The following WBP1L variants were observed in gnomAD, a reference collection of about 807,000 sequenced individuals.
WBP1L encodes WW domain binding protein 1-like.
In WBP1L, 17 loss-of-function variants were observed where a neutral mutation model predicts 33.7. The ratio of observed to expected loss-of-function variants is 0.50; its 90% CI spans 0.34 to 0.76. WBP1L has a LOEUF of 0.76. Among genes scored for constraint, WBP1L ranks in the 30% least tolerant of loss-of-function variants. The probability of loss-of-function intolerance (pLI) is 0.01; values close to 1 mark genes in which losing one functional copy is unlikely to be tolerated. For synonymous variants in WBP1L, 173 were observed against 190.8 expected (o/e 0.91, Z 0.77); for missense variants, 389 against 469.4 (o/e 0.83, Z 1.58).
At position 102,803,380 on chromosome 10, in the gene WBP1L, T is replaced by C. The variant is rs527988434; in HGVS notation, c.193+5285T>C. ...TTTTCCCAAGTTTGTAGTGAACTCT[T>C]GGGGTTTGTAGTGTAGTCATGGGGC... On this transcript the variant is annotated intron_variant, in intron 2 of 3. Transcript: ENST00000448841. Among the ~76,000 whole-genome samples, 4 of 152,278 alleles carry C rather than the reference T, an allele frequency of 2.6e-5. No individual in the cohort carries two copies. In the South Asian group the frequency reaches 8.3e-4, roughly 32 times the overall value.
intron 1 of WBP1L, among the ~76,000 whole-genome samples, chr10:102,756,104 C>A (rs924488906): frequency 2.0e-5 from 3 of 149,940 alleles, no homozygotes; most frequent in Non-Finnish European, 4.4e-5. Flanking sequence ...GGGTAGGGTT[C>A]TTTATTTGTT....
chr10:102,790,428 T>C (rs1843479248), intron 1 of WBP1L, among the ~76,000 whole-genome samples: 1 of 152,226 alleles, frequency 6.6e-6, no homozygotes, highest in East Asian at 1.9e-4. Flanking sequence ...CTGCTATTTG[T>C]TGAATTTGTC....
At chr10:102,781,310 A>T (rs561897232) in intron 1 of WBP1L, among the ~76,000 whole-genome samples, 89 of 152,300 alleles carry the variant, frequency 5.8e-4, no homozygotes, top group African/African-American at 1.8e-3. Flanking sequence ...TAACCCCTCA[A>T]CTGCTGAATG....
chr10:102,810,819 G>A (rs573542971), intron 3 of WBP1L, among the ~76,000 whole-genome samples: 7 of 151,130 alleles, frequency 4.6e-5, no homozygotes, highest in Admixed American at 3.3e-4. Context: ...TGCTCGTCTC[G>A]GCCTCCCAAA....
intron 1 of WBP1L, among the ~76,000 whole-genome samples, chr10:102,781,236 C>A (rs953460693): frequency 2.0e-5 from 3 of 152,140 alleles, no homozygotes; most frequent in Non-Finnish European, 4.4e-5. Flanking sequence ...TGATAGCCAG[C>A]TAAAGCTGCA....
intron 2 of WBP1L, among the ~76,000 whole-genome samples, chr10:102,806,044 T>C (rs1255200265): frequency 1.6e-5 from 2 of 122,156 alleles, no homozygotes; most frequent in Admixed American, 8.4e-5. Context: ...CTACTAAAAA[T>C]ACAAAAAAAA....
At chr10:102,793,370 A>G (rs901552958) in intron 1 of WBP1L, among the ~76,000 whole-genome samples, 2 of 152,208 alleles carry the variant, frequency 1.3e-5, no homozygotes, top group African/African-American at 2.4e-5. Flanking sequence ...ACGTGAGCCC[A>G]GGAGTTTGAG....
chr10:102,746,932 T>C (rs1377596370), intron 1 of WBP1L, among the ~76,000 whole-genome samples: 6 of 152,204 alleles, frequency 3.9e-5, no homozygotes, highest in Non-Finnish European at 8.8e-5. Context: ...AGCTCTGCAC[T>C]GAAACAGCCA....
intron 1 of WBP1L, among the ~76,000 whole-genome samples, chr10:102,777,799 C>T (rs559418375): frequency 1.3e-5 from 2 of 151,964 alleles, no homozygotes; most frequent in African/African-American, 4.8e-5. Flanking sequence ...TCCTGACCTC[C>T]GGTGATCCGG....
chr10:102,797,551 CTTTTTTA>C (rs1843589708), intron 1 of WBP1L, among the ~76,000 whole-genome samples: 1 of 151,790 alleles, frequency 6.6e-6, no homozygotes, highest in African/African-American at 2.4e-5. Context: ...GTTTGTTTGT[CTTTTTTA>C]TTTTTTATTT....
At chr10:102,794,338 G>T (rs1487920250) in intron 1 of WBP1L, among the ~76,000 whole-genome samples, 1 of 152,174 alleles carries the variant, frequency 6.6e-6, no homozygotes, top group African/African-American at 2.4e-5. Flanking sequence ...AGACGGCTGG[G>T]CGTGGTGGCT....
intron 2 of WBP1L, among the ~76,000 whole-genome samples, chr10:102,804,303 G>A (rs7095934): frequency 0.011 from 1,633 of 143,428 alleles, 26 homozygotes; most frequent in African/African-American, 0.04. Context: ...CAGGAGATTC[G>A]TTTGAACCCG....
chr10:102,783,861 T>C (rs534715492), intron 1 of WBP1L, among the ~76,000 whole-genome samples: 41 of 152,362 alleles, frequency 2.7e-4, no homozygotes, highest in South Asian at 1.4e-3. Flanking sequence ...TAGTCCACTC[T>C]GCTTGGGAAG....
intron 2 of WBP1L, among the ~76,000 whole-genome samples, chr10:102,808,681 T>A (rs1843777920): frequency 6.6e-6 from 1 of 152,238 alleles, no homozygotes; most frequent in Non-Finnish European, 1.5e-5. Context: ...AGGGAGGAGA[T>A]GGACCTGAGG....
intron 1 of WBP1L, among the ~76,000 whole-genome samples, chr10:102,745,952 T>G (rs186169140): frequency 3.6e-4 from 55 of 152,356 alleles, no homozygotes; most frequent in Non-Finnish European, 1.6e-4. Context: ...AAATATAGAA[T>G]ATAGTAAATA....
chr10:102,809,929 G>A lies in WBP1L; in HGVS notation c.230G>A (p.Ser77Asn). 6.2e-7 allele frequency: 1 copy of A among 1,613,752 alleles called. No homozygotes were observed. Reference sequence around the variant, plus strand: ...GTGTGGACCATCATCATCATCCTGAGCTGCTGCTGTGTTTGCCACCACCGC... The same window carrying A: ...GTGTGGACCATCATCATCATCCTGAACTGCTGCTGTGTTTGCCACCACCGC... ...WLVWTIIIIL[S>N]CCCVCHHRRA... Residue 77 changes from serine (S) to asparagine (N), a missense_variant, in exon 3 of 4, where the codon AGC (serine) becomes AAC (asparagine). Physicochemically the swap from Ser to Asn is conservative, Grantham distance 46. Coordinates refer to ENST00000448841, the MANE Select transcript of WBP1L (RefSeq NM_001083913.2).
At chr10:102,774,488 C>A (rs1459850772) in intron 1 of WBP1L, among the ~76,000 whole-genome samples, 1 of 152,166 alleles carries the variant, frequency 6.6e-6, no homozygotes, top group South Asian at 2.1e-4. Context: ...GCCAGTTTGG[C>A]ACATTCATTT....
chr10:102,794,372 G>C lies in WBP1L; in HGVS notation c.91-3621G>C, dbSNP rs572227859. Among the ~76,000 whole-genome samples, 266 of 152,104 alleles carry C rather than the reference G, an allele frequency of 1.7e-3. 1 individual carries two copies. The highest frequency in any genetic ancestry group is 5.8e-3 in the African/African-American group (242 of 41,482). On this transcript the variant is annotated intron_variant, in intron 1 of 3. Coordinates refer to ENST00000448841, the MANE Select transcript of WBP1L (RefSeq NM_001083913.2). ...CTCACGCCTGTAATCCCAGCTACTC[G>C]GGAGGCTGAGGCAGGAGAATCATTT...
chr10:102,755,750 G>T (rs1318566822), intron 1 of WBP1L, among the ~76,000 whole-genome samples: 1 of 150,650 alleles, frequency 6.6e-6, no homozygotes, highest in Non-Finnish European at 1.5e-5. Context: ...TTAAATAATA[G>T]ATTTTAAAAT....
Sources: allele counts gnomAD v4.1 joint callset (sites outside exome capture counted in the v4.1 genomes callset), GRCh38; gene constraint gnomAD v4.1.1; transcripts MANE v1.5; gene names NCBI Gene and HGNC (gene_info 2026-07-23, HGNC 2026-07-21).